Variants in DERA observed in about 807,000 individuals in gnomAD.
DERA encodes 2-deoxy-D-ribose 5-phosphate aldolase.
DERA carries 15 observed loss-of-function variants against 41.1 expected under a neutral mutation model. That is an observed-to-expected ratio of 0.37 (90% confidence interval 0.24 to 0.56). The LOEUF (loss-of-function observed/expected upper bound fraction) is 0.56. Among genes scored for constraint, DERA ranks in the 20% least tolerant of loss-of-function variants. DERA has a pLI of 0.81. For synonymous variants in DERA, 139 were observed against 137.4 expected (o/e 1.01, Z -0.08); for missense variants, 396 against 403.4 (o/e 0.98, Z 0.16).
chr12:15,999,988 C>T lies in DERA; in HGVS notation c.637+17552C>T, dbSNP rs766437835. Among the ~76,000 whole-genome samples the T allele has an allele frequency of 2.0e-4, 30 of 152,136 alleles. No individual in the cohort carries two copies. Among genetic ancestry groups the T allele is most frequent in the Non-Finnish European group, 3.7e-4 (25 of 68,008 alleles). On this transcript the variant is annotated intron_variant, in intron 6 of 8. Coordinates refer to ENST00000428559, the MANE Select transcript of DERA (RefSeq NM_015954.4). This position sits in a 1 kb window ranked among gnomAD's most constrained non-coding sequence, Gnocchi z 5.3. ...GTGATAACACTTCAGCTGACCATCA[C>T]GAGCTCCTGAACTGAGATGCAATGC...
At chr12:15,944,503 G>GT (rs1185122921) in intron 1 of DERA, among the ~76,000 whole-genome samples, 1 of 152,238 alleles carries the variant, frequency 6.6e-6, no homozygotes, top group South Asian at 2.1e-4. Context: ...TTTTTCATGT[G>GT]TTTTTTGGCT....
In DERA at chr12:15,962,808, A is replaced by T; in HGVS notation, c.374-5A>T. 1 of 1,525,458 alleles carries T rather than the reference A, an allele frequency of 6.6e-7. No individual in the cohort carries two copies. The highest frequency in any genetic ancestry group is 8.8e-7 in the Non-Finnish European group (1 of 1,133,410). The allele number at this position is 1,525,458 out of a possible 1,614,324, so 94.5% of individuals were successfully genotyped here. ...TTTCTTCATTTCCTTTCTTAACTCT[A>T]TTAGTGGCCGCTGGATTTCCAGCTG... On this transcript the variant is annotated splice_polypyrimidine_tract_variant and splice_region_variant and intron_variant, in intron 4 of 8. Transcript: ENST00000428559.
At chr12:16,029,833 T>C (rs749856424) in intron 6 of DERA, among the ~76,000 whole-genome samples, 2 of 152,000 alleles carry the variant, frequency 1.3e-5, no homozygotes, top group African/African-American at 2.4e-5. Context: ...TGAAGGAGTT[T>C]GGTTCTTTTG....
At chr12:15,953,534 G>A (rs377476112) in intron 1 of DERA, among the ~76,000 whole-genome samples, 115 of 152,248 alleles carry the variant, frequency 7.6e-4, no homozygotes, top group Middle Eastern at 3.4e-3. Context: ...CCACCAAAAT[G>A]ACATATTAAG....
At chr12:15,920,071 A>G (rs1443648663) in intron 1 of DERA, among the ~76,000 whole-genome samples, 2 of 150,026 alleles carry the variant, frequency 1.3e-5, no homozygotes, top group Non-Finnish European at 3.0e-5. Context: ...TCAAATGTCT[A>G]AAATTTGACA....
intron 1 of DERA, among the ~76,000 whole-genome samples, chr12:15,950,884 G>T (rs1472848802): frequency 6.6e-6 from 1 of 152,362 alleles, no homozygotes; most frequent in Middle Eastern, 3.4e-3. Flanking sequence ...AGAGCCTCCA[G>T]TGGTGTCTGG....
intron 1 of DERA, among the ~76,000 whole-genome samples, chr12:15,945,512 C>T (rs575545613): frequency 1.1e-4 from 16 of 152,146 alleles, no homozygotes; most frequent in South Asian, 2.1e-4. Context: ...GGAGTTCACT[C>T]ATGATTTGGC....
At position 15,921,526 on chromosome 12, in the gene DERA, C is replaced by T. The variant is rs1451627169; in HGVS notation, c.31+10112C>T. ...GGAAGAAAGTAGGTTGTAACAATTCCTATTGTATTTGGTGAAGGAGCTCAA... is the reference window on the plus strand; with the variant it reads ...GGAAGAAAGTAGGTTGTAACAATTCTTATTGTATTTGGTGAAGGAGCTCAA... On this transcript the variant is annotated intron_variant, in intron 1 of 8. Coordinates refer to ENST00000428559, the MANE Select transcript of DERA (RefSeq NM_015954.4). This position sits in a 1 kb window ranked among gnomAD's most constrained non-coding sequence, Gnocchi z 5.3. Among the ~76,000 whole-genome samples the T allele has an allele frequency of 6.6e-6, 1 of 151,980 alleles. No individual in the cohort carries two copies. The highest frequency in any genetic ancestry group is 1.5e-5 in the Non-Finnish European group (1 of 68,018).
At position 16,036,234 on chromosome 12, in the gene DERA, A is replaced by G. The variant is rs1442866224; in HGVS notation, c.753A>G (p.Ile251Met). Residue 251 changes from isoleucine to methionine, a missense_variant and splice_region_variant, in exon 8 of 9, where the codon ATA (isoleucine) becomes ATG (methionine). Transcript: ENST00000428559. This position sits in a 1 kb window ranked among gnomAD's most constrained non-coding sequence, Gnocchi z 4.9. ...CTATTCTCTGCCTTCCCATTTAGAT[A>G]GGGTTTAAACCAGCAGGAGGCATCC... ...RDFFWKTGNK[I>M]GFKPAGGIRS... 5.6e-6 allele frequency: 9 copies of G among 1,596,876 alleles called. No individual in the cohort carries two copies. The Middle Eastern group carries it at 1.2e-3, about 208-fold the overall frequency.
chr12:15,991,469 T>G (rs1312793922), intron 6 of DERA, among the ~76,000 whole-genome samples: 1 of 152,152 alleles, frequency 6.6e-6, no homozygotes, highest in Non-Finnish European at 1.5e-5. Context: ...TTTTAAATTT[T>G]TTATTTTGGA....
intron 1 of DERA, among the ~76,000 whole-genome samples, chr12:15,919,581 C>T (rs1231160287): frequency 3.3e-5 from 5 of 152,156 alleles, no homozygotes; most frequent in African/African-American, 1.2e-4. Flanking sequence ...TATGTGTCTA[C>T]GAATGTACTT....
chr12:15,958,072 C>G, intron 2 of DERA, 116 bp from the exon 3 acceptor site: 1 of 752,100 alleles, frequency 1.3e-6, no homozygotes, highest in Non-Finnish European at 2.1e-6. Flanking sequence ...ACAGTGTAGG[C>G]ATAAGATATT....
At chr12:15,953,826 G>A (rs113640493) in intron 1 of DERA, among the ~76,000 whole-genome samples, 69 of 152,220 alleles carry the variant, frequency 4.5e-4, no homozygotes, top group African/African-American at 1.6e-3. Context: ...GGAGAACATG[G>A]GTTATTTGAT....
In DERA at chr12:15,943,046, T is replaced by C. The variant is rs1040011430; in HGVS notation, c.32-13890T>C. Among the ~76,000 whole-genome samples the C allele has an allele frequency of 1.3e-5, 2 of 152,138 alleles. No individual in the cohort carries two copies. Among genetic ancestry groups the C allele is most frequent in the African/African-American group, 4.8e-5 (2 of 41,442 alleles). ...AGTAGTTACTTAGAGCATAGAGTGG[T>C]TGGGGAGAGGGACAGCGATGTCACC... On this transcript the variant is annotated intron_variant, in intron 1 of 8. Coordinates refer to ENST00000428559, the MANE Select transcript of DERA (RefSeq NM_015954.4). This position sits in a 1 kb window ranked among gnomAD's most constrained non-coding sequence, Gnocchi z 4.5.
Position 16,035,413 on chromosome 12 carries a change from T to G in DERA, c.751-819T>G, listed in dbSNP as rs1023637422. ...TGTTTTGACCACTACCATCTACAGA[T>G]TCCCAACTCTACTGGATAGTCAGGT... is the stretch of plus-strand genomic sequence containing the variant. On this transcript the variant is annotated intron_variant, in intron 7 of 8. Coordinates refer to ENST00000428559, the MANE Select transcript of DERA (RefSeq NM_015954.4). This position sits in a 1 kb window ranked among gnomAD's most constrained non-coding sequence, Gnocchi z 4.1. Among the ~76,000 whole-genome samples, 2 of 152,166 alleles carry G rather than the reference T, an allele frequency of 1.3e-5. No homozygotes were observed. Among genetic ancestry groups the G allele is most frequent in the Non-Finnish European group, 2.9e-5 (2 of 68,026 alleles).
intron 1 of DERA, among the ~76,000 whole-genome samples, chr12:15,930,038 C>A (rs1194617278): frequency 6.6e-6 from 1 of 152,106 alleles, no homozygotes; most frequent in African/African-American, 2.4e-5. Context: ...AAAGCTAGGT[C>A]ATAGAGTAAC....
In DERA at chr12:16,012,677, A is replaced by AT. The variant is rs1948954500; in HGVS notation, c.638-19861dup. Among the ~76,000 whole-genome samples, 1 of 152,172 alleles carries AT rather than the reference A, an allele frequency of 6.6e-6. No individual in the cohort carries two copies. Among genetic ancestry groups the AT allele is most frequent in the African/African-American group, 2.4e-5 (1 of 41,430 alleles). ...TTTTCTCAATAAATTTTAAACCAAC[A>AT]TTTTAAAGATATTGGTGTAAAATGG... On this transcript the variant is annotated intron_variant, in intron 6 of 8. Coordinates refer to ENST00000428559, the MANE Select transcript of DERA (RefSeq NM_015954.4). This position sits in a 1 kb window ranked among gnomAD's most constrained non-coding sequence, Gnocchi z 4.1.
chr12:15,939,721 T>C (rs1316411837), intron 1 of DERA, among the ~76,000 whole-genome samples: 1 of 152,106 alleles, frequency 6.6e-6, no homozygotes, highest in Non-Finnish European at 1.5e-5. Context: ...GTACATCAGC[T>C]TAGATTAATT....
rs1423857253 is a variant in DERA, at chr12:15,959,478, A to G, written c.278-351A>G. On this transcript the variant is annotated intron_variant, in intron 3 of 8. Coordinates refer to ENST00000428559, the MANE Select transcript of DERA (RefSeq NM_015954.4). The surrounding 1 kb of genome is among the most constrained non-coding windows in gnomAD (Gnocchi z 4.5). ...ACTGTCCTTTCTTCAGGTATGTCCT[A>G]TGTGAATGCTCTGTAAATATGGATT... 6.6e-6 allele frequency among the ~76,000 whole-genome samples: 1 copy of G among 152,160 alleles called. No individual in the cohort carries two copies. Among genetic ancestry groups the G allele is most frequent in the Non-Finnish European group, 1.5e-5 (1 of 68,032 alleles).
Sources: gnomAD v4.1 joint callset for allele counts (sites outside exome capture counted in the v4.1 genomes callset) on GRCh38, gnomAD v4.1.1 for gene constraint, Gnocchi (gnomAD v3.1) non-coding constraint, MANE v1.5 for transcripts, NCBI Gene and HGNC (gene_info 2026-07-23, HGNC 2026-07-21) for gene names.